AMPH: variants seen among roughly 807,000 people sequenced by gnomAD.
AMPH encodes amphiphysin (Stiff-Mann syndrome with breast cancer 128kD autoantigen).
A neutral mutation model predicts 99.1 loss-of-function variants in AMPH; 49 were observed. The observed-to-expected ratio is 0.49, with a 90% CI of 0.39 to 0.63. The LOEUF (loss-of-function observed/expected upper bound fraction) is 0.63, where lower values mean the gene tolerates loss of function less well. Ranked by LOEUF, AMPH falls within the 20% of genes least tolerant of loss-of-function variation. The pLI is 0.00. For missense variants in AMPH, 759 were observed against 863.4 expected (o/e 0.88, Z 1.52); for synonymous variants, 314 against 317.3 (o/e 0.99, Z 0.11).
At chr7:38,391,273 G>A (rs1784485796) in intron 19 of AMPH, among the ~76,000 whole-genome samples, 1 of 152,040 alleles carries the variant, frequency 6.6e-6, no homozygotes, top group South Asian at 2.1e-4. Context: ...GCCTTTTGGT[G>A]CAAGTTCATT....
At chr7:38,396,017 G>A (rs932815109) in intron 17 of AMPH, among the ~76,000 whole-genome samples, 1 of 152,194 alleles carries the variant, frequency 6.6e-6, no homozygotes, top group Non-Finnish European at 1.5e-5. Flanking sequence ...CTCATTATAT[G>A]TCCAAGTATT....
intron 1 of AMPH, among the ~76,000 whole-genome samples, chr7:38,541,281 G>T (rs1310889042): frequency 2.0e-5 from 2 of 98,622 alleles, no homozygotes; most frequent in Non-Finnish European, 4.5e-5. Flanking sequence ...GCCATCAGGG[G>T]AGGTAAGTGC....
intron 1 of AMPH, among the ~76,000 whole-genome samples, chr7:38,570,887 T>C (rs921728635): frequency 7.9e-6 from 1 of 125,798 alleles, no homozygotes; most frequent in Admixed American, 9.5e-5. Context: ...TGTGTAGGCC[T>C]AGGCTAATGT....
intron 2 of AMPH, among the ~76,000 whole-genome samples, chr7:38,514,674 C>T (rs973528276): frequency 2.0e-5 from 3 of 152,128 alleles, no homozygotes; most frequent in Non-Finnish European, 2.9e-5. Flanking sequence ...ACTTCTTTTC[C>T]GTTTTGTGTA....
chr7:38,602,022 G>A (rs1440504892), intron 1 of AMPH, among the ~76,000 whole-genome samples: 2 of 152,164 alleles, frequency 1.3e-5, no homozygotes, highest in Non-Finnish European at 2.9e-5. Context: ...GGATCTAAAC[G>A]CCCTAAGGAA....
intron 2 of AMPH, among the ~76,000 whole-genome samples, chr7:38,507,760 T>C (rs527421190): frequency 6.6e-6 from 1 of 152,330 alleles, no homozygotes; most frequent in East Asian, 1.9e-4. Context: ...TTTCTTTATA[T>C]CATTTTCTAC....
chr7:38,404,058 G>A (rs1435984891), intron 17 of AMPH, among the ~76,000 whole-genome samples: 1 of 152,146 alleles, frequency 6.6e-6, no homozygotes, highest in African/African-American at 2.4e-5. Context: ...AGGCCATTTT[G>A]CTGATAGCCA....
chr7:38,475,701 T>C (rs1346988734), intron 6 of AMPH, among the ~76,000 whole-genome samples: 1 of 152,202 alleles, frequency 6.6e-6, no homozygotes, highest in Non-Finnish European at 1.5e-5. Context: ...AGCTCTGCTA[T>C]GGATACTGAA....
At chr7:38,569,154 C>A (rs1487036834) in intron 1 of AMPH, among the ~76,000 whole-genome samples, 1 of 151,804 alleles carries the variant, frequency 6.6e-6, no homozygotes, top group Non-Finnish European at 1.5e-5. Flanking sequence ...ATAAATATAA[C>A]CTGCATCATA....
rs1390591619 is a variant in AMPH, at chr7:38,540,281, G to C, written c.70-5270C>G. On this transcript the variant is annotated intron_variant, in intron 1 of 20. Coordinates refer to ENST00000356264, the MANE Select transcript of AMPH (RefSeq NM_001635.4). ...GATTTTTGTTGTTACTTTTAGTGCT[G>C]CTGTTTTTCAAATGCAAAATAATAC... is the stretch of plus-strand genomic sequence containing the variant. 3.3e-5 allele frequency among the ~76,000 whole-genome samples: 5 copies of C among 152,256 alleles called. No individual in the cohort carries two copies. The East Asian group carries it at 9.7e-4, about 29-fold the overall frequency.
intron 3 of AMPH, among the ~76,000 whole-genome samples, chr7:38,499,416 A>C (rs1425056411): frequency 6.6e-6 from 1 of 152,182 alleles, no homozygotes; most frequent in Non-Finnish European, 1.5e-5. Flanking sequence ...GTCACAATAA[A>C]ATGATTAGAA....
intron 17 of AMPH, among the ~76,000 whole-genome samples, chr7:38,406,713 C>CCTCTCTCCCT (rs1562732244): frequency 1.3e-3 from 141 of 110,946 alleles, no homozygotes; most frequent in Non-Finnish European, 1.9e-3. Context: ...TCTCTCCTCT[C>CCTCTCTCCCT]CTCTCTCTCT....
At chr7:38,491,268 G>T in intron 4 of AMPH, 123 bp from the exon 5 acceptor site, 1 of 649,726 alleles carries the variant, frequency 1.5e-6, no homozygotes, top group Non-Finnish European at 2.6e-6. Context: ...AGATGCTAGG[G>T]GAAAAATGAG....
At chr7:38,488,326 A>G (rs1397394560) in intron 5 of AMPH, among the ~76,000 whole-genome samples, 1 of 152,178 alleles carries the variant, frequency 6.6e-6, no homozygotes, top group Admixed American at 6.5e-5. Context: ...CATATACACC[A>G]TGGAATACTA....
At chr7:38,502,496 C>T (rs528916678) in intron 3 of AMPH, among the ~76,000 whole-genome samples, 1 of 152,136 alleles carries the variant, frequency 6.6e-6, no homozygotes, top group African/African-American at 2.4e-5. Flanking sequence ...CTGAGCCTGT[C>T]CCATTGAAGG....
Position 38,631,340 on chromosome 7 carries a change from G to A in AMPH, c.12C>T (p.Ile4=). 1 of 1,556,092 alleles carries A rather than the reference G, an allele frequency of 6.4e-7. No homozygotes were observed. The highest frequency in any genetic ancestry group is 8.7e-7 in the Non-Finnish European group (1 of 1,152,218). Residue 4 remains isoleucine, a synonymous_variant, in exon 1 of 21, where the codon ATC becomes ATT. Coordinates refer to ENST00000356264, the MANE Select transcript of AMPH (RefSeq NM_001635.4). MAD[I]KTGIFAKNVQ... ...CGTTCTTGGCGAAGATGCCCGTCTT[G>A]ATGTCGGCCATGGCTGCGGGTCCGG...
intron 17 of AMPH, among the ~76,000 whole-genome samples, chr7:38,407,048 C>CTCTCTCTCTCTATA (rs1241166935): frequency 2.6e-4 from 8 of 31,238 alleles, no homozygotes; most frequent in Admixed American, 4.1e-4. Flanking sequence ...CTCTCTCTCT[C>CTCTCTCTCTCTATA]TATATATATA....
At chr7:38,387,052 G>A (rs1362971307) in intron 20 of AMPH, among the ~76,000 whole-genome samples, 1 of 152,162 alleles carries the variant, frequency 6.6e-6, no homozygotes, top group Non-Finnish European at 1.5e-5. Context: ...CCCCCAAGCT[G>A]TGCATGCATA....
chr7:38,441,816 T>TC (rs1786545204), intron 11 of AMPH, among the ~76,000 whole-genome samples: 1 of 65,824 alleles, frequency 1.5e-5, no homozygotes, highest in African/African-American at 5.4e-5. Flanking sequence ...ATATCATATA[T>TC]ATCATATATC....
Sources: allele counts gnomAD v4.1 joint callset (sites outside exome capture counted in the v4.1 genomes callset), GRCh38; gene constraint gnomAD v4.1.1; transcripts MANE v1.5; gene names NCBI Gene and HGNC (gene_info 2026-07-23, HGNC 2026-07-21).